Variants in GALNT12 observed in about 807,000 individuals in gnomAD.
GALNT12 encodes the protein UDP-GalNAc:polypeptide N-acetylgalactosaminyltransferase 12.
A neutral mutation model predicts 55.5 loss-of-function variants in GALNT12; 45 were observed. The observed-to-expected ratio is 0.81, with a 90% CI of 0.64 to 1.04. The LOEUF is 1.04. GALNT12 is among the 50% of genes least tolerant of loss of function. GALNT12 has a pLI of 0.00. For missense variants in GALNT12, 709 were observed against 754.8 expected (o/e 0.94, Z 0.71); for synonymous variants, 304 against 312.2 (o/e 0.97, Z 0.28).
intron 1 of GALNT12, among the ~76,000 whole-genome samples, chr9:98,810,596 G>A (rs1025095213): frequency 7.9e-5 from 12 of 152,168 alleles, no homozygotes. Context: ...TTTTATCAGA[G>A]GAAAGGAGTT....
intron 6 of GALNT12, among the ~76,000 whole-genome samples, chr9:98,837,951 T>C (rs890031377): frequency 1.3e-5 from 2 of 152,202 alleles, no homozygotes; most frequent in African/African-American, 4.8e-5. Context: ...ATAATGAGGA[T>C]GGACTGTACC....
In GALNT12 at chr9:98,808,011, A is replaced by T. The variant is rs768714862; in HGVS notation, c.313A>T (p.Ile105Phe). ...GAGCGTGCGGCTGCACCAGATTAAC[A>T]TCTACCTCAGCGACCGCATCTCACT... ...EESVRLHQINIYLSDRISLHR... is the reference protein window; with the variant it reads ...EESVRLHQINFYLSDRISLHR... Residue 105 changes from isoleucine (I) to phenylalanine (F), a missense_variant, in exon 1 of 10, where the codon ATC becomes TTC. Transcript: ENST00000375011. 5 of 1,563,406 alleles carry T rather than the reference A, an allele frequency of 3.2e-6. No homozygotes were observed. The African/African-American group carries it at 6.7e-5, about 21-fold the overall frequency.
intron 3 of GALNT12, among the ~76,000 whole-genome samples, chr9:98,829,899 A>G (rs1347349335): frequency 6.6e-6 from 1 of 152,176 alleles, no homozygotes; most frequent in Non-Finnish European, 1.5e-5. Context: ...GTTGCTTCCC[A>G]ATCTTGGTTA....
intron 8 of GALNT12, among the ~76,000 whole-genome samples, chr9:98,844,961 A>C (rs901440584): frequency 6.6e-6 from 1 of 152,166 alleles, no homozygotes; most frequent in African/African-American, 2.4e-5. Context: ...AGACACCAGG[A>C]AACAAAGGGA....
chr9:98,819,922 G>T (rs775140710), intron 1 of GALNT12, among the ~76,000 whole-genome samples: 1 of 152,148 alleles, frequency 6.6e-6, no homozygotes, highest in Admixed American at 6.5e-5. Context: ...AGCCTTTAAC[G>T]TGGGAGCAAT....
At chr9:98,828,838 C>CT (rs560214150) in intron 3 of GALNT12, among the ~76,000 whole-genome samples, 3,857 of 147,944 alleles carry the variant, frequency 0.026, 78 homozygotes, top group South Asian at 0.049. Context: ...CTCTTTTTTT[C>CT]TTTTTTTTTT....
rs115877948 is a variant in GALNT12 at position 98,840,424 on chromosome 9, C to T, written c.1344+291C>T. The stretch of plus-strand genomic sequence containing the variant: ...GTTTCCATGTCCTAGTTTTTACCAA[C>T]GCCTTATCATATTACTTCTAGTCTC... On this transcript the variant is annotated intron_variant, in intron 7 of 9. Transcript: ENST00000375011. Among the ~76,000 whole-genome samples the T allele has an allele frequency of 5.0e-3, 757 of 152,278 alleles. 5 individuals carry two copies. The highest frequency in any genetic ancestry group is 0.017 in the African/African-American group (724 of 41,550).
chr9:98,808,177 C>G, intron 1 of GALNT12, 108 bp downstream of exon 1: 2 of 802,138 alleles, frequency 2.5e-6, no homozygotes, highest in Non-Finnish European at 3.9e-6. Context: ...GATGGCGCGT[C>G]TTATTGAGTC....
At chr9:98,811,131 G>A (rs561744659) in intron 1 of GALNT12, among the ~76,000 whole-genome samples, 2 of 152,244 alleles carry the variant, frequency 1.3e-5, no homozygotes, top group Admixed American at 1.3e-4. Flanking sequence ...ATGCAACCAC[G>A]GGTGAAAGCT....
At chr9:98,844,421 T>C (rs921023912) in intron 8 of GALNT12, 39 of 567,730 alleles carry the variant, frequency 6.9e-5, no homozygotes, top group Non-Finnish European at 1.2e-4. Context: ...TTGTAAATAG[T>C]TGTCATAATG....
chr9:98,814,459 A>G (rs966169471), intron 1 of GALNT12, among the ~76,000 whole-genome samples: 38 of 152,336 alleles, frequency 2.5e-4, no homozygotes, highest in African/African-American at 9.1e-4. Flanking sequence ...CTGTAATCCC[A>G]GAACTTTAGG....
intron 2 of GALNT12, among the ~76,000 whole-genome samples, chr9:98,826,474 C>G (rs757746330): frequency 6.6e-6 from 1 of 152,148 alleles, no homozygotes; most frequent in Non-Finnish European, 1.5e-5. Context: ...ACACACCATT[C>G]AATTCACCCA....
chr9:98,849,509 C>T lies in GALNT12; in HGVS notation c.*417C>T. On this transcript the variant is annotated 3_prime_UTR_variant, in exon 10 of 10. Transcript: ENST00000375011. Reference sequence around the variant, plus strand: ...TGCATGGGTGGAAATCAGGTTCAAGCAACGTACTTTGCATTAACTGATAAT... The same window carrying T: ...TGCATGGGTGGAAATCAGGTTCAAGTAACGTACTTTGCATTAACTGATAAT... 2.0e-6 allele frequency: 1 copy of T among 503,674 alleles called. No homozygotes were observed. Among genetic ancestry groups the T allele is most frequent in the Non-Finnish European group, 3.4e-6 (1 of 290,462 alleles). 31.2% of individuals were successfully genotyped at this position (503,674 alleles called of 1,614,324 possible). A position where few individuals can be genotyped will look rare whatever the true frequency, so the allele number is the denominator to read the frequency against.
Position 98,807,926 on chromosome 9 carries a change from C to T in GALNT12, c.228C>T (p.Gly76=). The T allele has an allele frequency of 3.2e-6, 4 of 1,248,266 alleles. No individual in the cohort carries two copies. Among genetic ancestry groups the T allele is most frequent in the Non-Finnish European group, 4.0e-6 (4 of 992,994 alleles). The allele number at this position is 1,248,266 out of a possible 1,614,324, so 77.3% of individuals were successfully genotyped here. Reference sequence around the variant, plus strand: ...CGCCGGTGCCGGCGAACGCGCTGGGCGCGCGGGGCGAGGCGGTGCGGCTGC... The same window carrying T: ...CGCCGGTGCCGGCGAACGCGCTGGGTGCGCGGGGCGAGGCGGTGCGGCTGC... ...PRPPVPANAL[G]ARGEAVRLQL... is the part of the protein sequence containing the mutation. Residue 76 remains glycine, a synonymous_variant, in exon 1 of 10, where the codon GGC becomes GGT. Transcript: ENST00000375011.
chr9:98,819,121 CAA>C (rs962369984), intron 1 of GALNT12, among the ~76,000 whole-genome samples: 8 of 152,206 alleles, frequency 5.3e-5, no homozygotes, highest in Non-Finnish European at 1.0e-4. Context: ...ATTGAGGAAA[CAA>C]GAGGAATCCT....
chr9:98,838,226 G>A (rs1238427058), intron 6 of GALNT12, among the ~76,000 whole-genome samples: 1 of 152,208 alleles, frequency 6.6e-6, no homozygotes, highest in Non-Finnish European at 1.5e-5. Context: ...CCAGATGGAA[G>A]GACTACTGGA....
intron 4 of GALNT12, among the ~76,000 whole-genome samples, chr9:98,833,819 G>C (rs563725119): frequency 1.3e-5 from 2 of 152,124 alleles, no homozygotes; most frequent in African/African-American, 4.8e-5. Flanking sequence ...GAATTCATGG[G>C]GGTCCATGAA....
intron 1 of GALNT12, among the ~76,000 whole-genome samples, chr9:98,822,864 G>A (rs1206483584): frequency 5.3e-5 from 8 of 152,150 alleles, no homozygotes; most frequent in African/African-American, 1.9e-4. Context: ...AAGTACAGAA[G>A]GGAGGAAGGG....
intron 1 of GALNT12, among the ~76,000 whole-genome samples, chr9:98,822,829 A>G (rs1414619657): frequency 1.3e-5 from 2 of 151,994 alleles, no homozygotes; most frequent in Non-Finnish European, 2.9e-5. Flanking sequence ...CACAAAGGAG[A>G]ACAGGCCTGA....
Sources: gnomAD v4.1 joint callset for allele counts (sites outside exome capture counted in the v4.1 genomes callset) on GRCh38, gnomAD v4.1.1 for gene constraint, MANE v1.5 for transcripts, NCBI Gene and HGNC (gene_info 2026-07-23, HGNC 2026-07-21) for gene names.